Variants in PGBD5 observed in about 807,000 individuals in gnomAD.
The protein encoded by PGBD5 is piggyBac transposable element-derived protein 5.
PGBD5 carries 14 observed loss-of-function variants against 47.9 expected under a neutral mutation model. The observed-to-expected ratio is 0.29, with a 90% confidence interval of 0.19 to 0.46. PGBD5 has a LOEUF of 0.46. Ranked by LOEUF, PGBD5 falls within the 20% of genes least tolerant of loss-of-function variation. PGBD5 has a pLI of 1.00. For missense variants in PGBD5, 635 were observed against 716.0 expected (o/e 0.89, Z 1.29); for synonymous variants, 316 against 306.3 (o/e 1.03, Z -0.33).
intron 1 of PGBD5, among the ~76,000 whole-genome samples, chr1:230,383,467 C>T (rs914561416): frequency 6.6e-6 from 1 of 152,014 alleles, no homozygotes; most frequent in Admixed American, 6.6e-5. Flanking sequence ...TGGGCTCAGG[C>T]GATCCTCTTA....
intron 1 of PGBD5, among the ~76,000 whole-genome samples, chr1:230,383,262 C>A (rs1656556716): frequency 6.6e-6 from 1 of 151,878 alleles, no homozygotes; most frequent in Non-Finnish European, 1.5e-5. Flanking sequence ...TTTGTAGAGA[C>A]AGGGTCTCAC....
intron 1 of PGBD5, among the ~76,000 whole-genome samples, chr1:230,374,486 T>A (rs531148409): frequency 6.6e-6 from 1 of 152,320 alleles, no homozygotes; most frequent in African/African-American, 2.4e-5. Flanking sequence ...AATAGTATGA[T>A]CCAAACTTAA....
At position 230,384,706 on chromosome 1, in the gene PGBD5, C is replaced by T. The variant is rs376223803; in HGVS notation, c.332-27385G>A. ...GAGCACTAGGTGTGTTTGACTCTCA[C>T]GACACCACGCGGCCTCTTACCTCAG... On this transcript the variant is annotated intron_variant, in intron 1 of 6. Transcript: ENST00000391860. 1.6e-4 allele frequency among the ~76,000 whole-genome samples: 25 copies of T among 152,324 alleles called. 1 individual carries two copies. Among genetic ancestry groups the T allele is most frequent in the East Asian group, 1.2e-3 (6 of 5,186 alleles).
chr1:230,405,364 A>C (rs1007741833), intron 1 of PGBD5, among the ~76,000 whole-genome samples: 1 of 152,098 alleles, frequency 6.6e-6, no homozygotes, highest in Non-Finnish European at 1.5e-5. Context: ...AGCCTTCTCA[A>C]CCTGAAGAAG....
intron 1 of PGBD5, among the ~76,000 whole-genome samples, chr1:230,369,542 G>A (rs927368601): frequency 2.0e-5 from 3 of 152,166 alleles, no homozygotes; most frequent in Non-Finnish European, 4.4e-5. Flanking sequence ...CCTGCCAAAG[G>A]TGCGCAGCCC....
chr1:230,399,532 A>C (rs1657082777), intron 1 of PGBD5, among the ~76,000 whole-genome samples: 1 of 152,174 alleles, frequency 6.6e-6, no homozygotes, highest in African/African-American at 2.4e-5. Flanking sequence ...AGGAGAAGGC[A>C]GGTACATGCC....
chr1:230,354,845 T>C (rs1667610153), intron 2 of PGBD5, among the ~76,000 whole-genome samples: 1 of 151,958 alleles, frequency 6.6e-6, no homozygotes, highest in African/African-American at 2.4e-5. Context: ...GTAGAAAACG[T>C]AGCAAGAAGA....
intron 1 of PGBD5, among the ~76,000 whole-genome samples, chr1:230,404,669 C>T (rs532059410): frequency 8.1e-5 from 12 of 147,618 alleles, no homozygotes; most frequent in South Asian, 6.4e-4. Flanking sequence ...AGGTGGCTTA[C>T]GCCTGTAATC....
chr1:230,384,620 CA>C (rs1656591629), intron 1 of PGBD5, among the ~76,000 whole-genome samples: 1 of 152,064 alleles, frequency 6.6e-6, no homozygotes. Flanking sequence ...TACAAATAAA[CA>C]AAACGTAAAG....
At chr1:230,392,973 GGAA>G (rs944266816) in intron 1 of PGBD5, among the ~76,000 whole-genome samples, 1 of 151,250 alleles carries the variant, frequency 6.6e-6, no homozygotes, top group African/African-American at 2.4e-5. Context: ...GGGAGGAGGA[GGAA>G]AAGGGAGAGC....
rs1412345718 is a variant in PGBD5 at position 230,315,885 on chromosome 1, T to TATTTATGTGTAC, written c.*7539_*7540insGTACACATAAAT. On this transcript the variant is annotated 3_prime_UTR_variant, in exon 7 of 7. Transcript: ENST00000391860. ...GTATATATATACATATATGGATACA[T>TATTTATGTGTAC]ACATATTTATGTGTACACATATATG... 15 of 149,338 alleles carry TATTTATGTGTAC rather than the reference T, an allele frequency of 1.0e-4. 4 individuals carry two copies. Among genetic ancestry groups the TATTTATGTGTAC allele is most frequent in the African/African-American group, 3.7e-4 (15 of 40,970 alleles). 9.3% of individuals were successfully genotyped at this position (149,338 alleles called of 1,614,324 possible). A position where few individuals can be genotyped will look rare whatever the true frequency, so the allele number is the denominator to read the frequency against.
At chr1:230,392,256 G>T (rs1464411305) in intron 1 of PGBD5, among the ~76,000 whole-genome samples, 2 of 152,180 alleles carry the variant, frequency 1.3e-5, no homozygotes, top group African/African-American at 4.8e-5. Context: ...GTCCTTTGGG[G>T]ATAAGCACTG....
At chr1:230,374,253 C>T (rs1398043197) in intron 1 of PGBD5, among the ~76,000 whole-genome samples, 1 of 151,996 alleles carries the variant, frequency 6.6e-6, no homozygotes, top group East Asian at 1.9e-4. Context: ...CCTGTCTCTA[C>T]TAAAAATACA....
chr1:230,344,879 C>T (rs1041125513), intron 3 of PGBD5, among the ~76,000 whole-genome samples: 3 of 152,178 alleles, frequency 2.0e-5, no homozygotes. Flanking sequence ...CCTCTGAAGA[C>T]GGTCTGTCCT....
chr1:230,383,669 C>A (rs1656566603), intron 1 of PGBD5, among the ~76,000 whole-genome samples: 1 of 152,186 alleles, frequency 6.6e-6, no homozygotes, highest in African/African-American at 2.4e-5. Context: ...CAGGTGTGAG[C>A]CATCATGCCA....
At chr1:230,381,959 T>C (rs1454957010) in intron 1 of PGBD5, among the ~76,000 whole-genome samples, 3 of 152,150 alleles carry the variant, frequency 2.0e-5, no homozygotes, top group African/African-American at 7.2e-5. Flanking sequence ...TCATGAAACT[T>C]TTGTCATTCA....
At position 230,316,960 on chromosome 1, in the gene PGBD5, T is replaced by C. The variant is rs1666961016; in HGVS notation, c.*6465A>G. 6.6e-6 allele frequency: 1 copy of C among 152,196 alleles called. No individual in the cohort carries two copies. Among genetic ancestry groups the C allele is most frequent in the African/African-American group, 2.4e-5 (1 of 41,444 alleles). 9.4% of individuals were successfully genotyped at this position (152,196 alleles called of 1,614,324 possible). ...GTTGGCAAGTCCTGGTCAAATGCAG[T>C]GTGACTGCAGCCTCTTGAGGAGGCT... On this transcript the variant is annotated 3_prime_UTR_variant, in exon 7 of 7. Coordinates refer to ENST00000391860, the MANE Select transcript of PGBD5 (RefSeq NM_001258311.2).
intron 4 of PGBD5, among the ~76,000 whole-genome samples, chr1:230,334,406 A>C (rs1251461179): frequency 6.6e-6 from 1 of 152,264 alleles, no homozygotes; most frequent in East Asian, 1.9e-4. Context: ...GCCAAAGAGA[A>C]GCTGCATGTT....
rs1035600483 is a variant in PGBD5 at position 230,412,049 on chromosome 1, T to C, written c.331+13549A>G. On this transcript the variant is annotated intron_variant, in intron 1 of 6. Transcript: ENST00000391860. ...GTACATGTATGCAAAAATGTGTTCA[T>C]GTATGAGCACCAAGTTTTCTACATG... Among the ~76,000 whole-genome samples the C allele has an allele frequency of 5.3e-5, 8 of 152,284 alleles. No individual in the cohort carries two copies. The East Asian group carries it at 1.5e-3, about 29-fold the overall frequency.
Sources: allele counts gnomAD v4.1 joint callset (sites outside exome capture counted in the v4.1 genomes callset), GRCh38; gene constraint gnomAD v4.1.1; transcripts MANE v1.5; gene names NCBI Gene and HGNC (gene_info 2026-07-23, HGNC 2026-07-21).